The following CDK7 variants were observed in gnomAD, a reference collection of about 807,000 sequenced individuals.
The protein encoded by CDK7 is cyclin dependent kinase 7.
Under a neutral mutation model 49.1 loss-of-function variants are expected in CDK7, and 25 were observed. That is an observed-to-expected ratio of 0.51 (90% CI 0.37 to 0.71). The LOEUF (loss-of-function observed/expected upper bound fraction) is 0.71. Among genes scored for constraint, CDK7 ranks in the 30% least tolerant of loss-of-function variants. CDK7 has a pLI of 0.00. For synonymous variants in CDK7, 107 were observed against 140.0 expected (o/e 0.76, Z 1.67); for missense variants, 316 against 411.7 (o/e 0.77, Z 2.01).
intron 5 of CDK7, among the ~76,000 whole-genome samples, chr5:69,256,415 G>A (rs564438515): frequency 2.0e-5 from 3 of 151,988 alleles, no homozygotes; most frequent in East Asian, 1.9e-4. Flanking sequence ...GTACAGTGGC[G>A]CGATCTCAAC....
At chr5:69,259,988 C>T (rs1450875518) in intron 7 of CDK7, 52 bp downstream of exon 7, 18 of 1,077,952 alleles carry the variant, frequency 1.7e-5, no homozygotes, top group Non-Finnish European at 2.3e-5. Context: ...AAATGAGCAT[C>T]AACTGGCTTC....
intron 9 of CDK7, among the ~76,000 whole-genome samples, chr5:69,271,513 C>CTTTTTTTTTTT (rs56035306): frequency 7.4e-6 from 1 of 134,326 alleles, no homozygotes. Flanking sequence ...ATTTTTTTTT[C>CTTTTTTTTTTT]TTTTTTTTTT....
At chr5:69,237,354 C>T (rs1580257466) in intron 2 of CDK7, among the ~76,000 whole-genome samples, 1 of 152,098 alleles carries the variant, frequency 6.6e-6, no homozygotes, top group Non-Finnish European at 1.5e-5. Context: ...TATTCCAGTC[C>T]CAGAATCACA....
chr5:69,266,355 A>C (rs1393432824), intron 8 of CDK7, among the ~76,000 whole-genome samples: 1 of 152,042 alleles, frequency 6.6e-6, no homozygotes, highest in Non-Finnish European at 1.5e-5. Flanking sequence ...TTGGGAGGCC[A>C]AGGCAGGTGG....
At chr5:69,248,875 C>T (rs1366376183) in intron 2 of CDK7, among the ~76,000 whole-genome samples, 1 of 133,028 alleles carries the variant, frequency 7.5e-6, no homozygotes, top group African/African-American at 2.9e-5. Flanking sequence ...ACAGTCTTGG[C>T]TCACTGCAAC....
chr5:69,272,728 A>G (rs996738042), intron 9 of CDK7, among the ~76,000 whole-genome samples, 164 bp from the exon 10 acceptor site: 1 of 151,754 alleles, frequency 6.6e-6, no homozygotes, highest in East Asian at 1.9e-4. Flanking sequence ...TAAATTTTCA[A>G]TTTATATCCT....
chr5:69,239,795 T>A (rs964139246), intron 2 of CDK7, among the ~76,000 whole-genome samples: 4 of 152,160 alleles, frequency 2.6e-5, no homozygotes, highest in African/African-American at 4.8e-5. Flanking sequence ...ACTTGTAAAA[T>A]TTTTAAAATA....
At position 69,262,068 on chromosome 5, in the gene CDK7, A is replaced by ATG. The variant is rs1301762986; in HGVS notation, c.528-137_528-136insTG. On this transcript the variant is annotated intron_variant, in intron 7 of 11. Coordinates refer to ENST00000256443, the MANE Select transcript of CDK7 (RefSeq NM_001799.4). ...AGAGTATTATATTTAAAACTTCATG[A>ATG]AAGAGTATGGTATCTAGTCCTTAAA... 3.1e-6 allele frequency: 3 copies of ATG among 965,278 alleles called. No homozygotes were observed. In the African/African-American group the frequency reaches 4.9e-5, roughly 16 times the overall value. 59.8% of individuals were successfully genotyped at this position (965,278 alleles called of 1,614,324 possible). A position where few individuals can be genotyped will look rare whatever the true frequency, so the allele number is the denominator to read the frequency against.
chr5:69,234,920 T>C lies in CDK7; in HGVS notation c.-56T>C. On this transcript the variant is annotated 5_prime_UTR_variant, in exon 1 of 12. Transcript: ENST00000256443. ...TGGAGGCTTTAAGGTAGCTTTAAAT[T>C]CGTGTTGTCCTGGGAGCTCGCCCTT... 3.3e-6 allele frequency: 5 copies of C among 1,525,618 alleles called. No individual in the cohort carries two copies. The highest frequency in any genetic ancestry group is 4.5e-6 in the Non-Finnish European group (5 of 1,121,138). The allele number at this position is 1,525,618 out of a possible 1,614,324, so 94.5% of individuals were successfully genotyped here.
intron 5 of CDK7, chr5:69,256,135 A>C (rs1750473915): frequency 6.6e-6 from 1 of 152,260 alleles, no homozygotes; most frequent in African/African-American, 2.4e-5. Flanking sequence ...TAAGAATTTA[A>C]AATTTATTTC....
chr5:69,252,494 CTTTTTTTTTTT>C (rs138764556), intron 3 of CDK7, 43 bp downstream of exon 3: 22 of 364,286 alleles, frequency 6.0e-5, no homozygotes, highest in African/African-American at 2.2e-4. Flanking sequence ...AAGTTTTCTC[CTTTTTTTTTTT>C]TTTTTTTTTT....
At chr5:69,260,136 TC>T (rs1165290350) in intron 7 of CDK7, among the ~76,000 whole-genome samples, 200 bp downstream of exon 7, 1 of 152,154 alleles carries the variant, frequency 6.6e-6, no homozygotes, top group Non-Finnish European at 1.5e-5. Context: ...ACCCACGAGG[TC>T]AGGAGTTTGA....
chr5:69,269,089 A>G, intron 8 of CDK7, 118 bp from the exon 9 acceptor site: 9 of 615,410 alleles, frequency 1.5e-5, no homozygotes, highest in Non-Finnish European at 2.3e-5. Context: ...GCAGTGAGCC[A>G]GGATTGCATC....
chr5:69,252,664 C>G (rs1364001362), intron 3 of CDK7, among the ~76,000 whole-genome samples: 1 of 151,968 alleles, frequency 6.6e-6, no homozygotes, highest in Admixed American at 6.6e-5. Flanking sequence ...CATGTGCCAC[C>G]ACTTGTGGTT....
intron 9 of CDK7, among the ~76,000 whole-genome samples, chr5:69,271,634 C>T (rs1292560135): frequency 2.0e-5 from 3 of 151,376 alleles, no homozygotes; most frequent in African/African-American, 7.3e-5. Flanking sequence ...ACCTCAGCCT[C>T]TTGAGTAGCT....
chr5:69,257,448 C>A (rs751462866), intron 5 of CDK7, among the ~76,000 whole-genome samples: 1 of 152,200 alleles, frequency 6.6e-6, no homozygotes. Context: ...AACTAAGCTC[C>A]ATTTTCTTCT....
intron 1 of CDK7, 67 bp from the exon 2 acceptor site, chr5:69,235,327 G>C: frequency 8.0e-7 from 1 of 1,242,790 alleles, no homozygotes; most frequent in Non-Finnish European, 1.2e-6. Flanking sequence ...TTCGCGAAAT[G>C]TAAAAATGCA....
chr5:69,267,199 T>C (rs558445021), intron 8 of CDK7, among the ~76,000 whole-genome samples: 1 of 152,230 alleles, frequency 6.6e-6, no homozygotes, highest in Middle Eastern at 3.4e-3. Context: ...TGATTCATTT[T>C]ATCAGTACTC....
rs562851799 is a variant in CDK7, at chr5:69,237,679, G to A, written c.126+2226G>A. 2.2e-4 allele frequency among the ~76,000 whole-genome samples: 33 copies of A among 152,208 alleles called. No homozygotes were observed. In the East Asian group the frequency reaches 5.0e-3, roughly 23 times the overall value. ...ATGTATTGGCCTTTCAGCTGGGCGC[G>A]GTGGCTCATGTTTGTAATACCAGCA... On this transcript the variant is annotated intron_variant, in intron 2 of 11. Transcript: ENST00000256443.
Sources: allele counts gnomAD v4.1 joint callset (sites outside exome capture counted in the v4.1 genomes callset), GRCh38; gene constraint gnomAD v4.1.1; transcripts MANE v1.5; gene names NCBI Gene and HGNC (gene_info 2026-07-23, HGNC 2026-07-21).